VTI1A: variants seen among roughly 807,000 people sequenced by gnomAD.
VTI1A encodes vesicle transport through interaction with t-SNAREs 1A, also known as vesicle transport through interaction with t-SNAREs homolog 1A.
Under a neutral mutation model 34.9 loss-of-function variants are expected in VTI1A, and 22 were observed. That is an observed-to-expected ratio of 0.63 (90% CI 0.45 to 0.90). The LOEUF is 0.90. VTI1A is among the 40% of genes least tolerant of loss of function. The probability of loss-of-function intolerance (pLI) is 0.00; values close to 1 mark genes in which losing one functional copy is unlikely to be tolerated. For synonymous variants in VTI1A, 87 were observed against 97.3 expected, an observed-to-expected ratio of 0.89 and a Z score of 0.62; for missense variants, 268 against 275.6, an observed-to-expected ratio of 0.97 and a Z score of 0.20.
chr10:112,814,506 G>A (rs1378517121), intron 7 of VTI1A, among the ~76,000 whole-genome samples: 1 of 152,106 alleles, frequency 6.6e-6, no homozygotes, highest in Non-Finnish European at 1.5e-5. Context: ...CTCATCAGAA[G>A]CTCTCTGCAG....
chr10:112,642,276 A>G (rs1015717854), intron 5 of VTI1A, among the ~76,000 whole-genome samples: 3 of 152,252 alleles, frequency 2.0e-5, no homozygotes, highest in African/African-American at 7.2e-5. Context: ...GCTTCAAATA[A>G]ATTATTGACT....
the VTI1A span, among the ~76,000 whole-genome samples, chr10:112,828,370 T>C: frequency 6.6e-6 from 1 of 152,104 alleles, no homozygotes; most frequent in African/African-American, 2.4e-5. Context: ...TTCTCCATTA[T>C]TTAAAAAATT....
chr10:112,567,992 G>A (rs757834057), intron 5 of VTI1A, among the ~76,000 whole-genome samples: 1 of 152,080 alleles, frequency 6.6e-6, no homozygotes, highest in Non-Finnish European at 1.5e-5. Flanking sequence ...TCGATTTTCG[G>A]TACTTGGCAG....
intron 5 of VTI1A, among the ~76,000 whole-genome samples, chr10:112,578,501 A>G (rs928600736): frequency 6.6e-6 from 1 of 152,204 alleles, no homozygotes; most frequent in Admixed American, 6.5e-5. Flanking sequence ...TTCATTGAGT[A>G]GCCAGTCAAA....
intron 3 of VTI1A, among the ~76,000 whole-genome samples, chr10:112,481,547 A>G (rs1848456817): frequency 6.6e-6 from 1 of 152,174 alleles, no homozygotes; most frequent in African/African-American, 2.4e-5. Context: ...AAAGTCTTGT[A>G]TATGTATGTT....
intron 7 of VTI1A, among the ~76,000 whole-genome samples, chr10:112,722,197 A>G (rs1391861648): frequency 1.3e-5 from 2 of 152,236 alleles, no homozygotes; most frequent in African/African-American, 4.8e-5. Flanking sequence ...GTTCCCATCT[A>G]TGTTAACAGA....
chr10:112,618,450 C>A, intron 5 of VTI1A, among the ~76,000 whole-genome samples: 1 of 131,978 alleles, frequency 7.6e-6, no homozygotes, highest in African/African-American at 2.9e-5. Context: ...GATCTTAGAG[C>A]CTGATAGGTT....
intron 7 of VTI1A, among the ~76,000 whole-genome samples, chr10:112,707,095 A>T (rs540950391): frequency 6.6e-6 from 1 of 152,200 alleles, no homozygotes; most frequent in Non-Finnish European, 1.5e-5. Flanking sequence ...TAAAGAACAA[A>T]CTAAAACTCC....
At chr10:112,544,267 G>C (rs1205366425) in intron 5 of VTI1A, among the ~76,000 whole-genome samples, 1 of 152,208 alleles carries the variant, frequency 6.6e-6, no homozygotes, top group Non-Finnish European at 1.5e-5. Context: ...GTCTTGCTTT[G>C]TTGCCCAGGC....
chr10:112,808,622 C>T (rs968449073), intron 7 of VTI1A, among the ~76,000 whole-genome samples: 10 of 136,554 alleles, frequency 7.3e-5, no homozygotes, highest in Non-Finnish European at 1.5e-4. Context: ...GAGACTCCAT[C>T]TCAAAAAAAA....
chr10:112,777,317 C>T lies in VTI1A; in HGVS notation c.561-37973C>T, dbSNP rs190607561. Among the ~76,000 whole-genome samples, 22 of 152,276 alleles carry T rather than the reference C, an allele frequency of 1.4e-4. No individual in the cohort carries two copies. The East Asian group carries it at 3.9e-3, about 27-fold the overall frequency. On this transcript the variant is annotated intron_variant, in intron 7 of 7. Coordinates refer to ENST00000393077, the MANE Select transcript of VTI1A (RefSeq NM_145206.4). ...CCTTGTCTGAGTGGTGTCTGAATTA[C>T]TGTGGTGGGGGTGGATTTCTTAGGC...
At chr10:112,456,043 A>G (rs1308518388) in intron 1 of VTI1A, among the ~76,000 whole-genome samples, 1 of 152,106 alleles carries the variant, frequency 6.6e-6, no homozygotes, top group Admixed American at 6.5e-5. Flanking sequence ...CCTACCATGT[A>G]CAGCTCTCTA....
intron 1 of VTI1A, among the ~76,000 whole-genome samples, chr10:112,451,851 G>A (rs1385549603): frequency 6.6e-6 from 1 of 152,200 alleles, no homozygotes; most frequent in Non-Finnish European, 1.5e-5. Flanking sequence ...CTTTAGAGCT[G>A]TAATATCTAC....
chr10:112,662,305 C>A (rs1367291953), intron 5 of VTI1A, among the ~76,000 whole-genome samples: 1 of 152,076 alleles, frequency 6.6e-6, no homozygotes, highest in Admixed American at 6.5e-5. Context: ...GTATGTAAGA[C>A]CACTTGTTAT....
chr10:112,716,264 C>T (rs1849610011), intron 7 of VTI1A, among the ~76,000 whole-genome samples: 1 of 152,140 alleles, frequency 6.6e-6, no homozygotes. Context: ...GAGACACTGT[C>T]ACCAGTTCAT....
intron 7 of VTI1A, among the ~76,000 whole-genome samples, chr10:112,748,952 TTAAG>T (rs1371724882): frequency 6.6e-6 from 1 of 152,174 alleles, no homozygotes; most frequent in Non-Finnish European, 1.5e-5. Context: ...CTTACATGCT[TTAAG>T]TATATTCTTA....
rs1394832586 is a variant in VTI1A at position 112,571,689 on chromosome 10, A to G, written c.427+33359A>G. ...CTACCAAAAGGTAGAATGCACCTGT[A>G]TGTTCATTGCAGTGCCCTTCACAAT... On this transcript the variant is annotated intron_variant, in intron 5 of 7. Coordinates refer to ENST00000393077, the MANE Select transcript of VTI1A (RefSeq NM_145206.4). Among the ~76,000 whole-genome samples the G allele has an allele frequency of 4.6e-5, 7 of 152,138 alleles. No homozygotes were observed. In the East Asian group the frequency reaches 9.6e-4, roughly 21 times the overall value.
At chr10:112,625,030 T>C (rs987581271) in intron 5 of VTI1A, among the ~76,000 whole-genome samples, 2 of 151,872 alleles carry the variant, frequency 1.3e-5, no homozygotes, top group African/African-American at 2.4e-5. Flanking sequence ...CCCAAAAGGT[T>C]GAGACTGCAG....
chr10:112,494,291 C>T (rs547536298), intron 3 of VTI1A, among the ~76,000 whole-genome samples: 84 of 151,898 alleles, frequency 5.5e-4, no homozygotes, highest in Non-Finnish European at 1.0e-3. Context: ...ACAAATGTCT[C>T]CTCTTCTGTT....
Sources: gnomAD v4.1 joint callset for allele counts (sites outside exome capture counted in the v4.1 genomes callset) on GRCh38, gnomAD v4.1.1 for gene constraint, MANE v1.5 for transcripts, NCBI Gene and HGNC (gene_info 2026-07-23, HGNC 2026-07-21) for gene names.